PCDHA2: variants seen among roughly 807,000 people sequenced by gnomAD.
PCDHA2 encodes the protein protocadherin alpha-2.
A neutral mutation model predicts 66.0 loss-of-function variants in PCDHA2; 58 were observed. The observed-to-expected ratio is 0.88, with a 90% CI of 0.71 to 1.09. The LOEUF is 1.09. PCDHA2 is among the 50% of genes least tolerant of loss of function. The probability of loss-of-function intolerance (pLI) is 0.00; values close to 1 mark genes in which losing one functional copy is unlikely to be tolerated. For synonymous variants in PCDHA2, 634 were observed against 554.0 expected (o/e 1.14, Z -2.03); for missense variants, 1,267 against 1,242.3 (o/e 1.02, Z -0.30).
rs2150495171 is a variant in PCDHA2, at chr5:140,850,706, G to C, written c.2388+53354G>C. 11 of 1,598,012 alleles carry C rather than the reference G, an allele frequency of 6.9e-6. 1 individual carries two copies. The highest frequency in any genetic ancestry group is 1.7e-5 in the Admixed American group (1 of 59,234). The stretch of plus-strand genomic sequence containing the variant: ...AGGGCGAGTGCGCGCCTGGCAAGCC[G>C]ACGCTGGTGTGTTCTAGCGCGGTGG... On this transcript the variant is annotated intron_variant, in intron 1 of 3. Transcript: ENST00000526136.
In PCDHA2 at chr5:140,843,388, G is replaced by A; in HGVS notation, c.2388+46036G>A. 18 of 1,596,064 alleles carry A rather than the reference G, an allele frequency of 1.1e-5. 1 individual carries two copies. Among genetic ancestry groups the A allele is most frequent in the Non-Finnish European group, 1.5e-5 (17 of 1,165,572 alleles). ...GGCAGTCGGCTGGCGTTTTGGGTCCGGAAGCGGCGCTGGTGGATGTCAACG... is the reference window on the plus strand; with the variant it reads ...GGCAGTCGGCTGGCGTTTTGGGTCCAGAAGCGGCGCTGGTGGATGTCAACG... On this transcript the variant is annotated intron_variant, in intron 1 of 3. Coordinates refer to ENST00000526136, the MANE Select transcript of PCDHA2 (RefSeq NM_018905.3).
chr5:140,846,704 T>C (rs1263410748), intron 1 of PCDHA2, among the ~76,000 whole-genome samples: 4 of 149,392 alleles, frequency 2.7e-5, no homozygotes, highest in African/African-American at 9.8e-5. Flanking sequence ...TAGAGAAGAT[T>C]GTAATAACCA....
At position 140,852,434 on chromosome 5, in the gene PCDHA2, C is replaced by T. The variant is rs2150516775; in HGVS notation, c.2388+55082C>T. On this transcript the variant is annotated intron_variant, in intron 1 of 3. Transcript: ENST00000526136. ...CTGGGATTATAGGCACATGCCACCG[C>T]GCCCAGCTAATTTTTGTATTTTTAG... 6.7e-4 allele frequency: 121 copies of T among 181,038 alleles called. 6 individuals carry two copies. The highest frequency in any genetic ancestry group is 3.4e-4 in the Admixed American group (5 of 14,894). The allele number at this position is 181,038 out of a possible 1,614,324, so 11.2% of individuals were successfully genotyped here. A position where few individuals can be genotyped will look rare whatever the true frequency, so the allele number is the denominator to read the frequency against.
At chr5:140,822,795 G>C (rs2150119402) in intron 1 of PCDHA2, 1 of 1,614,092 alleles carries the variant, frequency 6.2e-7, no homozygotes, top group East Asian at 2.2e-5. Context: ...TGAAACTCCT[G>C]GATGTGAATG....
At chr5:140,954,787 T>C (rs2095088208) in intron 1 of PCDHA2, among the ~76,000 whole-genome samples, 1 of 152,218 alleles carries the variant, frequency 6.6e-6, no homozygotes, top group African/African-American at 2.4e-5. Flanking sequence ...TAGATCTCAT[T>C]TGTCAATTTT....
chr5:140,829,606 G>T (rs2150171112), intron 1 of PCDHA2: 9 of 1,611,952 alleles, frequency 5.6e-6, no homozygotes, highest in African/African-American at 1.3e-5. Context: ...GCGCGTTGTC[G>T]AGCTACATTT....
At chr5:140,823,674 A>G (rs2150128139) in intron 1 of PCDHA2, 1 of 1,613,986 alleles carries the variant, frequency 6.2e-7, no homozygotes, top group Non-Finnish European at 8.5e-7. Flanking sequence ...TCAGCACAAC[A>G]CGCTCTCTGG....
rs782443702 is a variant in PCDHA2 at position 140,824,610 on chromosome 5, G to GTTTT, written c.2388+27277_2388+27280dup. ...GGACTACATGCACATGCTAATTAAAGTTTTTTTTTTTTTTTTTTTTTTATT... is the reference window on the plus strand; with the variant it reads ...GGACTACATGCACATGCTAATTAAAGTTTTTTTTTTTTTTTTTTTTTTTTTTATT... On this transcript the variant is annotated intron_variant, in intron 1 of 3. Coordinates refer to ENST00000526136, the MANE Select transcript of PCDHA2 (RefSeq NM_018905.3). 941 of 95,090 alleles carry GTTTT rather than the reference G, an allele frequency of 9.9e-3. 171 individuals carry two copies. The highest frequency in any genetic ancestry group is 0.04 in the African/African-American group (820 of 20,550). The allele number at this position is 95,090 out of a possible 1,614,324, so 5.9% of individuals were successfully genotyped here.
intron 3 of PCDHA2, among the ~76,000 whole-genome samples, chr5:141,005,089 A>G (rs1554259886): frequency 6.6e-6 from 1 of 152,244 alleles, no homozygotes; most frequent in East Asian, 1.9e-4. Context: ...TTAGTACTTT[A>G]CATGCATTAC....
At chr5:140,943,083 C>A (rs1444637785) in intron 1 of PCDHA2, among the ~76,000 whole-genome samples, 1 of 151,532 alleles carries the variant, frequency 6.6e-6, no homozygotes, top group African/African-American at 2.4e-5. Flanking sequence ...ATGGTGAAAT[C>A]CTGCCTCTAC....
At chr5:140,884,621 G>C (rs116377419) in intron 1 of PCDHA2, 2 of 1,613,996 alleles carry the variant, frequency 1.2e-6, no homozygotes, top group South Asian at 2.2e-5. Context: ...TTCTGCAGAG[G>C]GAACAGGCCA....
intron 1 of PCDHA2, chr5:140,848,409 C>A: frequency 7.4e-7 from 1 of 1,356,090 alleles, no homozygotes; most frequent in Non-Finnish European, 1.0e-6. Flanking sequence ...CGATGGCGAA[C>A]ACAGCAGAAT....
At chr5:140,969,178 C>G (rs2096303822) in intron 1 of PCDHA2, 1 of 1,613,978 alleles carries the variant, frequency 6.2e-7, no homozygotes, top group South Asian at 1.1e-5. Flanking sequence ...CAGGGAGTGA[C>G]ACTTTCATGT....
At chr5:140,967,547 A>G (rs1554229662) in intron 1 of PCDHA2, 1 of 1,613,890 alleles carries the variant, frequency 6.2e-7, no homozygotes, top group Non-Finnish European at 8.5e-7. Context: ...TGACCAGTCC[A>G]CTTATCGCGT....
chr5:140,841,293 TA>T (rs1554138064), intron 1 of PCDHA2: 1 of 1,494,496 alleles, frequency 6.7e-7, no homozygotes, highest in African/African-American at 1.4e-5. Flanking sequence ...ATTAAGATAA[TA>T]TTTTCTGATA....
chr5:140,829,836 C>G (rs2150175782), intron 1 of PCDHA2: 3 of 1,613,890 alleles, frequency 1.9e-6, no homozygotes, highest in South Asian at 2.2e-5. Flanking sequence ...GAGCTGGTGC[C>G]GCGGTCACTG....
intron 1 of PCDHA2, among the ~76,000 whole-genome samples, chr5:140,903,637 A>G (rs1290449623): frequency 1.3e-5 from 2 of 152,240 alleles, no homozygotes; most frequent in Non-Finnish European, 1.5e-5. Flanking sequence ...GTATGCATAT[A>G]CCATATACAT....
intron 1 of PCDHA2, chr5:140,806,982 A>T: frequency 3.1e-6 from 2 of 639,582 alleles, no homozygotes; most frequent in Non-Finnish European, 5.3e-6. Context: ...TACGGTTTGG[A>T]GCCACATGAT....
At chr5:140,883,165 T>C in intron 1 of PCDHA2, 1 of 1,613,752 alleles carries the variant, frequency 6.2e-7, no homozygotes, top group Non-Finnish European at 8.5e-7. Context: ...ATCCGAACAA[T>C]GGAGAAATTA....
Sources: gnomAD v4.1 joint callset for allele counts (sites outside exome capture counted in the v4.1 genomes callset) on GRCh38, gnomAD v4.1.1 for gene constraint, MANE v1.5 for transcripts, NCBI Gene and HGNC (gene_info 2026-07-23, HGNC 2026-07-21) for gene names.